DOCK10: variants seen among roughly 807,000 people sequenced by gnomAD.
The protein encoded by DOCK10 is dedicator of cytokinesis protein 10.
Under a neutral mutation model 280.1 loss-of-function variants are expected in DOCK10, and 145 were observed. The observed-to-expected ratio is 0.52, with a 90% CI of 0.45 to 0.59. The LOEUF is 0.59. Among genes scored for constraint, DOCK10 ranks in the 20% least tolerant of loss-of-function variants. The pLI, the probability that DOCK10 is intolerant of heterozygous loss-of-function variation, is 0.00. For missense variants in DOCK10, 2,368 were observed against 2,651.7 expected, an observed-to-expected ratio of 0.89 and a Z score of 2.35; for synonymous variants, 915 against 942.2, an observed-to-expected ratio of 0.97 and a Z score of 0.53.
intron 1 of DOCK10, among the ~76,000 whole-genome samples, chr2:224,998,328 A>G (rs964014660): frequency 6.6e-6 from 1 of 152,018 alleles, no homozygotes; most frequent in African/African-American, 2.4e-5. Context: ...CAAGGAGCAA[A>G]CGAACATTAC....
At chr2:224,930,008 A>AT (rs1191020043) in intron 2 of DOCK10, among the ~76,000 whole-genome samples, 1 of 151,676 alleles carries the variant, frequency 6.6e-6, no homozygotes, top group Non-Finnish European at 1.5e-5. Context: ...CAAGACCAGC[A>AT]TGGCCAACAT....
chr2:224,845,247 G>C lies in DOCK10; in HGVS notation c.2437C>G (p.Leu813Val). Residue 813 changes from leucine (L) to valine (V), a missense_variant, in exon 21 of 56, where the codon CTG (leucine) becomes GTG (valine). Physicochemically the swap from Leu to Val is conservative, Grantham distance 32. This residue lies in a region of DOCK10 where 1,209 missense variants were observed against 1,250.9 expected (regional missense o/e 0.97). Transcript: ENST00000258390. Reference protein sequence around the residue: ...QEYNIPIATSLPPNYLSFQDS... With the variant: ...QEYNIPIATSVPPNYLSFQDS... ...TGAAAGCTTAAATAATTAGGAGGCA[G>C]ACTTGTTGCTATTGGGATGTTGTAC... is the stretch of plus-strand genomic sequence containing the variant. 6 of 1,585,168 alleles carry C rather than the reference G, an allele frequency of 3.8e-6. No individual in the cohort carries two copies. The highest frequency in any genetic ancestry group is 4.3e-6 in the Non-Finnish European group (5 of 1,164,042).
intron 13 of DOCK10, among the ~76,000 whole-genome samples, chr2:224,864,032 C>T (rs997865250): frequency 1.3e-5 from 2 of 152,206 alleles, no homozygotes; most frequent in African/African-American, 4.8e-5. Context: ...GCTTTATCCA[C>T]ATTTGAATTT....
chr2:224,964,729 G>A (rs1207099465), intron 1 of DOCK10, among the ~76,000 whole-genome samples: 1 of 152,112 alleles, frequency 6.6e-6, no homozygotes, highest in Non-Finnish European at 1.5e-5. Flanking sequence ...CCAAATTAAT[G>A]TTAAATTTCA....
At chr2:225,005,378 A>T (rs1484273123) in intron 1 of DOCK10, among the ~76,000 whole-genome samples, 1 of 152,218 alleles carries the variant, frequency 6.6e-6, no homozygotes, top group East Asian at 1.9e-4. Flanking sequence ...TCTTCAAAAT[A>T]TGTACAGTTT....
At chr2:224,920,644 T>C (rs2125970147) in intron 2 of DOCK10, among the ~76,000 whole-genome samples, 1 of 131,328 alleles carries the variant, frequency 7.6e-6, no homozygotes, top group African/African-American at 2.6e-5. Flanking sequence ...CTGGGAACAT[T>C]AGACATTTTT....
intron 4 of DOCK10, among the ~76,000 whole-genome samples, chr2:224,888,164 A>G (rs1699417712): frequency 2.6e-5 from 4 of 151,860 alleles, no homozygotes; most frequent in Admixed American, 6.6e-5. Flanking sequence ...AAACATTCTA[A>G]GTGTCCATTG....
intron 1 of DOCK10, among the ~76,000 whole-genome samples, chr2:225,029,467 C>T (rs1207083970): frequency 2.0e-5 from 3 of 152,122 alleles, no homozygotes; most frequent in South Asian, 4.1e-4. Context: ...CCACCATGCC[C>T]GGCCTCTTTA....
chr2:225,028,982 C>G (rs1690000178), intron 1 of DOCK10, among the ~76,000 whole-genome samples: 1 of 152,148 alleles, frequency 6.6e-6, no homozygotes, highest in Non-Finnish European at 1.5e-5. Flanking sequence ...TTCACTTTTA[C>G]TGGACAGCCC....
intron 50 of DOCK10, chr2:224,778,560 A>G (rs1691044691): frequency 2.0e-5 from 9 of 443,704 alleles, no homozygotes; most frequent in South Asian, 1.7e-4. Context: ...GTAGAACTCA[A>G]TGGTACTACC....
chr2:224,873,235 T>C (rs1698406170), intron 11 of DOCK10, among the ~76,000 whole-genome samples: 1 of 152,142 alleles, frequency 6.6e-6, no homozygotes, highest in South Asian at 2.1e-4. Context: ...TTTTCTCTAA[T>C]ACACATGAAA....
intron 50 of DOCK10, among the ~76,000 whole-genome samples, chr2:224,783,432 G>A (rs144607499): frequency 0.013 from 2,015 of 151,958 alleles, 48 homozygotes; most frequent in African/African-American, 0.046. Context: ...TCGCCACCAC[G>A]TCCTACTAAT....
At position 224,839,937 on chromosome 2, in the gene DOCK10, G is replaced by A. The variant is rs1033808972; in HGVS notation, c.2780+17C>T. 2 of 1,175,702 alleles carry A rather than the reference G, an allele frequency of 1.7e-6. No individual in the cohort carries two copies. Among genetic ancestry groups the A allele is most frequent in the African/African-American group, 3.1e-5 (2 of 65,552 alleles). The allele number at this position is 1,175,702 out of a possible 1,614,324, so 72.8% of individuals were successfully genotyped here. A position where few individuals can be genotyped will look rare whatever the true frequency, so the allele number is the denominator to read the frequency against. ...CACATTATAAAGTCTCTCCTCTTAA[G>A]GTTGTGTTATGGATACCTGGTGACA... On this transcript the variant is annotated intron_variant, in intron 24 of 55. Coordinates refer to ENST00000258390, the MANE Select transcript of DOCK10 (RefSeq NM_014689.3).
At chr2:224,982,315 C>T (rs574101643) in intron 1 of DOCK10, 2 of 1,231,924 alleles carry the variant, frequency 1.6e-6, no homozygotes, top group African/African-American at 3.1e-5. Context: ...GACAGCTCCT[C>T]TGGACCACAG....
chr2:224,939,750 C>G (rs1702907653), intron 1 of DOCK10, among the ~76,000 whole-genome samples: 1 of 152,186 alleles, frequency 6.6e-6, no homozygotes, highest in South Asian at 2.1e-4. Flanking sequence ...CATTCACTCA[C>G]AGGTCAAGTG....
intron 28 of DOCK10, among the ~76,000 whole-genome samples, chr2:224,823,278 G>A (rs1342917741): frequency 1.3e-5 from 2 of 151,708 alleles, no homozygotes; most frequent in South Asian, 2.1e-4. Flanking sequence ...AAGCCATCGC[G>A]CCCGGCCTTC....
intron 52 of DOCK10, among the ~76,000 whole-genome samples, chr2:224,773,760 T>C (rs1690619420): frequency 6.6e-6 from 1 of 151,768 alleles, no homozygotes; most frequent in Non-Finnish European, 1.5e-5. Flanking sequence ...GCCTCTCGAG[T>C]AGCTGGGACT....
chr2:224,939,475 G>T (rs1702885653), intron 1 of DOCK10, among the ~76,000 whole-genome samples: 1 of 152,152 alleles, frequency 6.6e-6, no homozygotes, highest in African/African-American at 2.4e-5. Context: ...CTGCTTCTCT[G>T]TATTTGTAAA....
chr2:224,802,056 GAA>G lies in DOCK10; in HGVS notation c.4269-18_4269-17del. On this transcript the variant is annotated splice_polypyrimidine_tract_variant and intron_variant, in intron 39 of 55. Coordinates refer to ENST00000258390, the MANE Select transcript of DOCK10 (RefSeq NM_014689.3). ...GGAGTGCATCCTGAAAACAAAAAAAGAAAAGTGGTTAGAGTTATTTGGGGATG... is the reference window on the plus strand; with the variant it reads ...GGAGTGCATCCTGAAAACAAAAAAAGAAGTGGTTAGAGTTATTTGGGGATG... 1 of 1,610,374 alleles carries G rather than the reference GAA, an allele frequency of 6.2e-7. No homozygotes were observed. The highest frequency in any genetic ancestry group is 8.5e-7 in the Non-Finnish European group (1 of 1,178,306).
Sources: gnomAD v4.1 joint callset for allele counts (sites outside exome capture counted in the v4.1 genomes callset) on GRCh38, gnomAD v4.1.1 for gene constraint, gnomAD v4.1.1 regional missense constraint, MANE v1.5 for transcripts, NCBI Gene and HGNC (gene_info 2026-07-23, HGNC 2026-07-21) for gene names.